IGSF10: variants seen among roughly 807,000 people sequenced by gnomAD.
IGSF10 encodes calvaria mechanical force protein 608.
In IGSF10, 126 loss-of-function variants were observed where a neutral mutation model predicts 128.2. The observed-to-expected ratio is 0.98, with a 90% CI of 0.85 to 1.14. The LOEUF is 1.14. Among genes scored for constraint, IGSF10 ranks in the 50% most tolerant of loss-of-function variants. IGSF10 has a pLI of 0.00. For synonymous variants in IGSF10, 1,185 were observed against 1,146.2 expected (o/e 1.03, Z -0.68); for missense variants, 3,295 against 3,149.8 (o/e 1.05, Z -1.10).
chr3:151,548,088 C>T, the IGSF10 span, among the ~76,000 whole-genome samples: 1 of 152,232 alleles, frequency 6.6e-6, no homozygotes, highest in East Asian at 1.9e-4. Context: ...TGCTTATATC[C>T]AACACATTAT....
intron 7 of IGSF10, among the ~76,000 whole-genome samples, chr3:151,441,175 AC>A (rs534986472): frequency 9.2e-5 from 14 of 152,214 alleles, no homozygotes; most frequent in Non-Finnish European, 1.8e-4. Flanking sequence ...TATCCCCTGC[AC>A]CCAAGATCTG....
the IGSF10 span, among the ~76,000 whole-genome samples, chr3:151,604,246 G>A: frequency 6.6e-6 from 1 of 152,052 alleles, no homozygotes; most frequent in South Asian, 2.1e-4. Flanking sequence ...CTGTCTTGGT[G>A]ATAAGCATCT....
the IGSF10 span, among the ~76,000 whole-genome samples, chr3:151,579,962 A>G: frequency 4.6e-5 from 7 of 152,032 alleles, no homozygotes; most frequent in African/African-American, 7.2e-5. Flanking sequence ...CCAAAGATAA[A>G]GATAAAATCT....
the IGSF10 span, among the ~76,000 whole-genome samples, chr3:151,500,892 T>C: frequency 2.0e-5 from 3 of 152,078 alleles, no homozygotes; most frequent in Non-Finnish European, 4.4e-5. Context: ...TGTTCATATA[T>C]TTCTGGTCAC....
At chr3:151,491,546 C>G in the IGSF10 span, among the ~76,000 whole-genome samples, 49 of 152,242 alleles carry the variant, frequency 3.2e-4, no homozygotes, top group African/African-American at 1.1e-3. Flanking sequence ...CCACTGCACT[C>G]CAACCTGGGT....
the IGSF10 span, among the ~76,000 whole-genome samples, chr3:151,619,429 AATGTGTGT>A: frequency 1.2e-3 from 122 of 102,052 alleles, 2 homozygotes; most frequent in East Asian, 0.032. Flanking sequence ...AATTACTTTT[AATGTGTGT>A]GTGTGTGTGT....
chr3:151,462,707 G>A (rs116030122), upstream of IGSF10, among the ~76,000 whole-genome samples: 1,262 of 152,266 alleles, frequency 8.3e-3, 7 homozygotes, highest in Non-Finnish European at 0.013. Flanking sequence ...ATCCCATGCC[G>A]AGCATTCATG....
downstream of IGSF10, chr3:151,434,498 ATTAAT>A (rs1719875297): frequency 7.3e-6 from 1 of 137,404 alleles, no homozygotes; most frequent in African/African-American, 2.7e-5. Flanking sequence ...TTTTCACTAA[ATTAAT>A]AGTCTATCTG....
chr3:151,582,359 T>G, the IGSF10 span, among the ~76,000 whole-genome samples: 4 of 126,268 alleles, frequency 3.2e-5, no homozygotes, highest in Non-Finnish European at 4.9e-5. Context: ...GATCAAGAAA[T>G]AGAGCAAGAA....
the IGSF10 span, among the ~76,000 whole-genome samples, chr3:151,585,256 T>G: frequency 1.2e-4 from 19 of 152,326 alleles, no homozygotes; most frequent in Middle Eastern, 6.8e-3. Flanking sequence ...TAATTTGGGT[T>G]AAATAATATA....
chr3:151,599,993 A>C, the IGSF10 span, among the ~76,000 whole-genome samples: 1 of 152,194 alleles, frequency 6.6e-6, no homozygotes, highest in Non-Finnish European at 1.5e-5. Context: ...AGAATGCAGG[A>C]GTGTAATAAA....
chr3:151,613,236 T>G, the IGSF10 span, among the ~76,000 whole-genome samples: 15 of 152,128 alleles, frequency 9.9e-5, no homozygotes, highest in Non-Finnish European at 2.1e-4. Context: ...ATCGTGAAAA[T>G]GGCCATACTG....
At chr3:151,509,832 T>A in the IGSF10 span, among the ~76,000 whole-genome samples, 1 of 152,236 alleles carries the variant, frequency 6.6e-6, no homozygotes, top group African/African-American at 2.4e-5. Flanking sequence ...GATTATATCC[T>A]GCACATGGCT....
chr3:151,524,977 T>A, the IGSF10 span, among the ~76,000 whole-genome samples: 1 of 145,524 alleles, frequency 6.9e-6, no homozygotes, highest in African/African-American at 2.5e-5. Flanking sequence ...ATAATCTTTG[T>A]AACAATTTTA....
At chr3:151,516,414 G>T in the IGSF10 span, among the ~76,000 whole-genome samples, 1 of 152,028 alleles carries the variant, frequency 6.6e-6, no homozygotes, top group African/African-American at 2.4e-5. Context: ...AGTCTGTTGT[G>T]TGCACTTGTG....
Position 151,447,468 on chromosome 3 carries a change from T to C in IGSF10, c.2513A>G (p.Tyr838Cys), listed in dbSNP as rs1254074374. The C allele has an allele frequency of 1.2e-6, 2 of 1,614,070 alleles. No homozygotes were observed. Among genetic ancestry groups the C allele is most frequent in the African/African-American group, 1.3e-5 (1 of 74,930 alleles). Reference protein sequence around the residue: ...ISDSPMTNINYGTEFSPVVNS... With the variant: ...ISDSPMTNINCGTEFSPVVNS... Reference sequence around the variant, plus strand: ...CACAACAGGAGAGAATTCTGTGCCATAATTTATGTTTGTCATAGGACTATC... The same window carrying C: ...CACAACAGGAGAGAATTCTGTGCCACAATTTATGTTTGTCATAGGACTATC... Residue 838 changes from tyrosine to cysteine, a missense_variant, in exon 6 of 8, where the codon TAT (tyrosine) becomes TGT (cysteine). Transcript: ENST00000282466.
Position 151,453,435 on chromosome 3 carries a change from T to C in IGSF10, c.664A>G (p.Thr222Ala), listed in dbSNP as rs754422068. 1 of 1,613,164 alleles carries C rather than the reference T, an allele frequency of 6.2e-7. No individual in the cohort carries two copies. Among genetic ancestry groups the C allele is most frequent in the Non-Finnish European group, 8.5e-7 (1 of 1,179,784 alleles). The change falls in exon 5 of 8, where the codon ACC (threonine) becomes GCC (alanine). Residue 222 changes from threonine to alanine, a missense_variant. Physicochemically the swap from Thr to Ala is moderately conservative, Grantham distance 58. Transcript: ENST00000282466. ...DSLYLHGNPW[T>A]CDCHLKWLSD... Reference sequence around the variant, plus strand: ...AACCACTTTAAATGGCAATCACAGGTCCATGGGTTTCCATGCAGGTAAAGG... The same window carrying C: ...AACCACTTTAAATGGCAATCACAGGCCCATGGGTTTCCATGCAGGTAAAGG...
At chr3:151,477,681 C>T in the IGSF10 span, among the ~76,000 whole-genome samples, 1 of 152,154 alleles carries the variant, frequency 6.6e-6, no homozygotes, top group South Asian at 2.1e-4. Context: ...TTTTTCACTT[C>T]CTTCAACAGA....
intron 4 of IGSF10, among the ~76,000 whole-genome samples, chr3:151,454,198 A>T (rs1395420313): frequency 1.3e-5 from 2 of 151,744 alleles, no homozygotes; most frequent in Admixed American, 1.3e-4. Flanking sequence ...TTGTAGTTTT[A>T]GTAGAGATGG....
Sources: allele counts gnomAD v4.1 joint callset (sites outside exome capture counted in the v4.1 genomes callset), GRCh38; gene constraint gnomAD v4.1.1; transcripts MANE v1.5; gene names NCBI Gene and HGNC (gene_info 2026-07-23, HGNC 2026-07-21).